Variants in PREX1 observed in about 807,000 individuals in gnomAD.
PREX1 encodes phosphatidylinositol 3,4,5-trisphosphate-dependent Rac exchanger 1 protein.
A neutral mutation model predicts 198.3 loss-of-function variants in PREX1; 41 were observed. The observed-to-expected ratio is 0.21, with a 90% CI of 0.16 to 0.27. PREX1 has a LOEUF of 0.27. Ranked by LOEUF, PREX1 falls within the 10% of genes least tolerant of loss-of-function variation. PREX1 has a pLI of 1.00. For missense variants in PREX1, 1,620 were observed against 2,200.7 expected, an observed-to-expected ratio of 0.74 and a Z score of 5.28; for synonymous variants, 843 against 887.2, an observed-to-expected ratio of 0.95 and a Z score of 0.89.
chr20:48,861,214 G>T, the PREX1 span, among the ~76,000 whole-genome samples: 1 of 152,148 alleles, frequency 6.6e-6, no homozygotes, highest in African/African-American at 2.4e-5. Context: ...TGAAAGGAGA[G>T]GTCGAGAGAA....
chr20:48,645,200 G>C (rs2089442170), intron 26 of PREX1, among the ~76,000 whole-genome samples: 1 of 152,176 alleles, frequency 6.6e-6, no homozygotes, highest in Non-Finnish European at 1.5e-5. Context: ...TTCTCAAACT[G>C]TATCAGTTCT....
At chr20:48,803,205 C>T (rs550630851) in intron 1 of PREX1, among the ~76,000 whole-genome samples, 1 of 152,270 alleles carries the variant, frequency 6.6e-6, no homozygotes, top group East Asian at 1.9e-4. Context: ...CACGGCAGGC[C>T]CACGAGGCCA....
rs1403078434 is a variant in PREX1 at position 48,625,578 on chromosome 20, T to C, written c.*307A>G. The C allele has an allele frequency of 8.7e-6, 3 of 345,016 alleles. No individual in the cohort carries two copies. The highest frequency in any genetic ancestry group is 1.6e-5 in the Non-Finnish European group (3 of 190,600). 21.4% of individuals were successfully genotyped at this position (345,016 alleles called of 1,614,324 possible). ...GTGGCCTCCATGACGTTCCCTTGGG[T>C]TCTGGGGACGCAGGAGCCGAAGGCC... On this transcript the variant is annotated 3_prime_UTR_variant, in exon 40 of 40. Coordinates refer to ENST00000371941, the MANE Select transcript of PREX1 (RefSeq NM_020820.4).
At chr20:48,630,662 G>C in intron 36 of PREX1, 66 bp downstream of exon 36, 1 of 1,408,132 alleles carries the variant, frequency 7.1e-7, no homozygotes, top group Admixed American at 1.7e-5. Context: ...CCTGTCTGCT[G>C]AGTCCTGACT....
At chr20:48,849,144 G>A in the PREX1 span, among the ~76,000 whole-genome samples, 137,734 of 152,092 alleles carry the variant, frequency 0.91, 62,747 homozygotes, top group African/African-American at 0.98. Flanking sequence ...TTGGAAACCC[G>A]GAGAAGCATG....
At chr20:48,629,328 C>G in intron 37 of PREX1, 121 bp downstream of exon 37, 1 of 1,311,850 alleles carries the variant, frequency 7.6e-7, no homozygotes, top group East Asian at 2.3e-5. Flanking sequence ...CAAGGCTCTA[C>G]AGGCAATGGC....
intron 1 of PREX1, among the ~76,000 whole-genome samples, chr20:48,752,523 G>C (rs141864906): frequency 6.6e-6 from 1 of 152,220 alleles, no homozygotes; most frequent in African/African-American, 2.4e-5. Context: ...GGCCAGAGGT[G>C]CGGAAGAAGT....
At chr20:48,773,621 C>T (rs1002092530) in intron 1 of PREX1, among the ~76,000 whole-genome samples, 1 of 152,182 alleles carries the variant, frequency 6.6e-6, no homozygotes, top group East Asian at 1.9e-4. Flanking sequence ...TGCAGAGGAA[C>T]TGAGGCAGGA....
chr20:48,652,447 GA>G (rs1239306762), intron 21 of PREX1, 138 bp downstream of exon 21: 811 of 1,113,382 alleles, frequency 7.3e-4, no homozygotes, highest in South Asian at 1.2e-3. Context: ...CTCCAAAAAG[GA>G]AAAAAAAAAC....
Position 48,649,571 on chromosome 20 carries a change from G to C in PREX1, c.3034C>G (p.Leu1012Val), listed in dbSNP as rs1248232622. 1.3e-6 allele frequency: 2 copies of C among 1,591,404 alleles called. No individual in the cohort carries two copies. The highest frequency in any genetic ancestry group is 1.7e-6 in the Non-Finnish European group (2 of 1,167,654). Reference protein sequence around the residue: ...LIGLDPEQGHLNPMSYTQHCI... With the variant: ...LIGLDPEQGHVNPMSYTQHCI... Reference sequence around the variant, plus strand: ...TGCTGGGTGTACGACATGGGGTTCAGGTGGCCTGCAGTGGAGGAAGAGAGA... The same window carrying C: ...TGCTGGGTGTACGACATGGGGTTCACGTGGCCTGCAGTGGAGGAAGAGAGA... The change falls in exon 25 of 40, where the codon CTG becomes GTG. Residue 1012 changes from leucine (L) to valine (V), a missense_variant. By Grantham distance (32) the Leu-to-Val change is conservative. Transcript: ENST00000371941.
chr20:48,759,185 G>C (rs2090167904), intron 1 of PREX1, among the ~76,000 whole-genome samples: 1 of 152,010 alleles, frequency 6.6e-6, no homozygotes, highest in South Asian at 2.1e-4. Flanking sequence ...CATCTCTCTG[G>C]GCCTCATCTA....
At chr20:48,627,834 G>A (rs2089284872) in intron 38 of PREX1, 27 bp downstream of exon 38, 1 of 1,600,462 alleles carries the variant, frequency 6.2e-7, no homozygotes. Flanking sequence ...CAGGGTGCTG[G>A]AGGACCCTGT....
chr20:48,734,183 C>G (rs1383218245), intron 4 of PREX1, among the ~76,000 whole-genome samples: 1 of 152,156 alleles, frequency 6.6e-6, no homozygotes, highest in Non-Finnish European at 1.5e-5. Context: ...TTTAATAGAA[C>G]CCTTACTTTA....
chr20:48,744,147 T>C (rs907219611), intron 3 of PREX1, among the ~76,000 whole-genome samples: 1 of 152,132 alleles, frequency 6.6e-6, no homozygotes, highest in African/African-American at 2.4e-5. Flanking sequence ...TATAGGATGT[T>C]TGGTGGCATC....
chr20:48,795,158 G>A (rs1009986978), intron 1 of PREX1, among the ~76,000 whole-genome samples: 1 of 152,130 alleles, frequency 6.6e-6, no homozygotes, highest in Non-Finnish European at 1.5e-5. Context: ...GCTCGGGTCT[G>A]TTCCATCACC....
chr20:48,843,020 G>A, the PREX1 span, among the ~76,000 whole-genome samples: 1 of 152,142 alleles, frequency 6.6e-6, no homozygotes, highest in Non-Finnish European at 1.5e-5. Context: ...TGAATTAATG[G>A]ATTGTTTCCC....
At position 48,642,207 on chromosome 20, in the gene PREX1, C is replaced by T. The variant is rs747211086; in HGVS notation, c.3736G>A (p.Glu1246Lys). ...LKGPVMSRAF[E>K]ETKHFPMNHS... ...TTCATAGGGAAATGCTTGGTCTCTTCGAAAGCCCGGCTCATGACTGGCCCC... is the reference window on the plus strand; with the variant it reads ...TTCATAGGGAAATGCTTGGTCTCTTTGAAAGCCCGGCTCATGACTGGCCCC... The change falls in exon 29 of 40, where the codon GAA (glutamate) becomes AAA (lysine). Residue 1246 changes from glutamate to lysine, a missense_variant. Transcript: ENST00000371941. 3 of 1,614,200 alleles carry T rather than the reference C, an allele frequency of 1.9e-6. No homozygotes were observed. The highest frequency in any genetic ancestry group is 1.7e-5 in the Admixed American group (1 of 60,032).
In PREX1 at chr20:48,625,825, G is replaced by C; in HGVS notation, c.*60C>G. The C allele has an allele frequency of 6.7e-7, 1 of 1,494,554 alleles. No individual in the cohort carries two copies. The allele number at this position is 1,494,554 out of a possible 1,614,324, so 92.6% of individuals were successfully genotyped here. A position where few individuals can be genotyped will look rare whatever the true frequency, so the allele number is the denominator to read the frequency against. ...TCCCTGGAGAAGGCCAGCGCTGCCT[G>C]CTGTGTCCTCCCAAATCCCAGCTCC... On this transcript the variant is annotated 3_prime_UTR_variant, in exon 40 of 40. Transcript: ENST00000371941.
chr20:48,746,310 A>G (rs777354220), intron 2 of PREX1, among the ~76,000 whole-genome samples: 5 of 152,206 alleles, frequency 3.3e-5, no homozygotes, highest in Admixed American at 6.5e-5. Flanking sequence ...GGCGTGAGCC[A>G]CCTCGCCTGG....
Sources: gnomAD v4.1 joint callset for allele counts (sites outside exome capture counted in the v4.1 genomes callset) on GRCh38, gnomAD v4.1.1 for gene constraint, MANE v1.5 for transcripts, NCBI Gene and HGNC (gene_info 2026-07-23, HGNC 2026-07-21) for gene names.